LARP4B: variants seen among roughly 807,000 people sequenced by gnomAD.
LARP4B encodes La ribonucleoprotein 4B.
A neutral mutation model predicts 89.8 loss-of-function variants in LARP4B; 12 were observed. That is an observed-to-expected ratio of 0.13 (90% CI 0.09 to 0.22). LARP4B has a LOEUF of 0.22. LARP4B is among the 10% of genes least tolerant of loss of function. The pLI is 1.00. For synonymous variants in LARP4B, 367 were observed against 363.3 expected (o/e 1.01, Z -0.12); for missense variants, 757 against 947.7 (o/e 0.80, Z 2.64).
chr10:928,965 T>G, intron 1 of LARP4B, among the ~76,000 whole-genome samples: 1 of 152,230 alleles, frequency 6.6e-6, no homozygotes, highest in East Asian at 1.9e-4. Flanking sequence ...TGTGCTTACT[T>G]ATGGAAATTG....
chr10:902,357 T>C (rs1340412420), intron 1 of LARP4B, among the ~76,000 whole-genome samples: 2 of 152,194 alleles, frequency 1.3e-5, no homozygotes, highest in Non-Finnish European at 2.9e-5. Flanking sequence ...GGAGTACCAC[T>C]TCTTGCTTTT....
rs1832404742 is a variant in LARP4B, at chr10:822,460, C to T, written c.1485-1615G>A. On this transcript the variant is annotated intron_variant, in intron 13 of 17. Transcript: ENST00000316157. This position sits in a 1 kb window ranked among gnomAD's most constrained non-coding sequence, Gnocchi z 4.6. ...GGTGTCCAGGACACAGACCTGCCTG[C>T]CATGGGGTCCTATCCCAGTCACCAT... 6.6e-6 allele frequency among the ~76,000 whole-genome samples: 1 copy of T among 152,214 alleles called. No homozygotes were observed. The highest frequency in any genetic ancestry group is 6.5e-5 in the Admixed American group (1 of 15,282).
intron 14 of LARP4B, chr10:819,029 C>T (rs1257790518): frequency 2.0e-5 from 3 of 152,204 alleles, no homozygotes; most frequent in Non-Finnish European, 4.4e-5. Context: ...TTAGCTTTTC[C>T]CAGTTAGGTG....
At chr10:940,012 ATTTTTT>A in the LARP4B span, among the ~76,000 whole-genome samples, 2 of 118,804 alleles carry the variant, frequency 1.7e-5, no homozygotes, top group South Asian at 2.8e-4. Flanking sequence ...CGCCCGGCTA[ATTTTTT>A]TTTTTTTTTT....
At chr10:946,880 T>C in the LARP4B span, among the ~76,000 whole-genome samples, 18 of 152,282 alleles carry the variant, frequency 1.2e-4, no homozygotes, top group Middle Eastern at 3.4e-3. Flanking sequence ...CATTTTTTTT[T>C]CCTTTTGAGA....
chr10:814,816 G>C lies in LARP4B; in HGVS notation c.1855C>G (p.His619Asp). ...GCGGAAGGAAGTCTGTCCACACTGT[G>C]GGTTTCCCTCTGTTTCTCCGCCACC... ...PKVAEKQRET[H>D]SVDRLPSALT... Residue 619 changes from histidine to aspartate, a missense_variant, in exon 17 of 18, where the codon CAC becomes GAC. Physicochemically the swap from His to Asp is moderately conservative, Grantham distance 81. Transcript: ENST00000316157. This position sits in a 1 kb window ranked among gnomAD's most constrained non-coding sequence, Gnocchi z 4.4. The C allele has an allele frequency of 6.3e-7, 1 of 1,599,266 alleles. No homozygotes were observed. Among genetic ancestry groups the C allele is most frequent in the Non-Finnish European group, 8.6e-7 (1 of 1,168,618 alleles).
chr10:824,560 A>C (rs563854300), intron 13 of LARP4B, among the ~76,000 whole-genome samples: 34 of 152,258 alleles, frequency 2.2e-4, no homozygotes, highest in Non-Finnish European at 3.7e-4. Context: ...AAAAATGTTA[A>C]ACAAAACCAA....
rs188386317 is a variant in LARP4B, at chr10:827,234, C to T, written c.1126-1364G>A. 1.2e-4 allele frequency among the ~76,000 whole-genome samples: 18 copies of T among 151,822 alleles called. No homozygotes were observed. In the East Asian group the frequency reaches 3.5e-3, roughly 29 times the overall value. On this transcript the variant is annotated intron_variant, in intron 11 of 17. Coordinates refer to ENST00000316157, the MANE Select transcript of LARP4B (RefSeq NM_015155.3). Reference sequence around the variant, plus strand: ...GAGCTTGCAGTGAGCCAAGATCCGGCCACTGCACTCCAGCCTGGGCGACAG... The same window carrying T: ...GAGCTTGCAGTGAGCCAAGATCCGGTCACTGCACTCCAGCCTGGGCGACAG...
the LARP4B span, among the ~76,000 whole-genome samples, chr10:958,695 C>T: frequency 2.0e-5 from 3 of 152,336 alleles, no homozygotes; most frequent in Admixed American, 6.5e-5. Context: ...CGGGTGAATC[C>T]GTTTAGCCGC....
chr10:877,219 T>C (rs1588954678), intron 3 of LARP4B, among the ~76,000 whole-genome samples: 2 of 152,046 alleles, frequency 1.3e-5, no homozygotes, highest in East Asian at 3.9e-4. Flanking sequence ...TCTCTACAAA[T>C]AAAAATTAAA....
At chr10:934,476 C>A (rs34433840), upstream of LARP4B, among the ~76,000 whole-genome samples, 1 of 151,854 alleles carries the variant, frequency 6.6e-6, no homozygotes, top group East Asian at 1.9e-4. Flanking sequence ...GGTGACAGAG[C>A]GAGACCCTGT....
At chr10:846,007 A>AC (rs1408349802) in intron 5 of LARP4B, among the ~76,000 whole-genome samples, 1 of 152,128 alleles carries the variant, frequency 6.6e-6, no homozygotes, top group Non-Finnish European at 1.5e-5. Flanking sequence ...GTAAAAATCC[A>AC]CCCCCATCAG....
the LARP4B span, among the ~76,000 whole-genome samples, chr10:985,046 C>A: frequency 2.6e-5 from 4 of 152,164 alleles, no homozygotes; most frequent in East Asian, 5.8e-4. Context: ...GAGTTCCATG[C>A]GCCCTGAACG....
chr10:864,075 A>G, intron 4 of LARP4B, 48 bp downstream of exon 4: 1 of 1,609,328 alleles, frequency 6.2e-7, no homozygotes, highest in Non-Finnish European at 8.5e-7. Flanking sequence ...CAACAAAAGC[A>G]CAGGCCTGAA....
chr10:916,998 G>GT lies in LARP4B; in HGVS notation c.-40+14429dup, dbSNP rs567510282. Among the ~76,000 whole-genome samples the GT allele has an allele frequency of 1.8e-3, 274 of 152,240 alleles. 1 individual carries two copies. The highest frequency in any genetic ancestry group is 6.5e-3 in the African/African-American group (269 of 41,546). On this transcript the variant is annotated intron_variant, in intron 1 of 17. Transcript: ENST00000316157. ...TAGCTATGAGCCACTGCGCCAGGTG[G>GT]TAAGTACTCTTGAATACAAGTTTCT... is the stretch of plus-strand genomic sequence containing the variant.
At chr10:911,743 A>T (rs74116966) in intron 1 of LARP4B, among the ~76,000 whole-genome samples, 2,427 of 152,254 alleles carry the variant, frequency 0.016, 80 homozygotes, top group African/African-American at 0.055. Flanking sequence ...GTTTCCTCTC[A>T]GGTCTAAAGC....
At chr10:909,974 G>T (rs1274421458) in intron 1 of LARP4B, among the ~76,000 whole-genome samples, 1 of 152,100 alleles carries the variant, frequency 6.6e-6, no homozygotes, top group Non-Finnish European at 1.5e-5. Flanking sequence ...AAGAAAAACA[G>T]CTTAGTGCAG....
the LARP4B span, among the ~76,000 whole-genome samples, chr10:950,244 T>G: frequency 1.3e-5 from 2 of 152,244 alleles, no homozygotes; most frequent in African/African-American, 4.8e-5. Flanking sequence ...TTTTATTTTT[T>G]GTGAAGTCCA....
At chr10:972,372 C>T in the LARP4B span, 3 of 415,204 alleles carry the variant, frequency 7.2e-6, no homozygotes, top group Admixed American at 8.4e-5. Context: ...AAGGCCCTCA[C>T]CAGATGCTGG....
Sources: allele counts gnomAD v4.1 joint callset (sites outside exome capture counted in the v4.1 genomes callset), GRCh38; gene constraint gnomAD v4.1.1; non-coding constraint Gnocchi (gnomAD v3.1); transcripts MANE v1.5; gene names NCBI Gene and HGNC (gene_info 2026-07-23, HGNC 2026-07-21).